ILRUN: variants seen among roughly 807,000 people sequenced by gnomAD.
ILRUN encodes the protein protein ILRUN.
In ILRUN, 3 loss-of-function variants were observed where a neutral mutation model predicts 33.8. The ratio of observed to expected loss-of-function variants is 0.09; its 90% CI spans 0.04 to 0.23. ILRUN has a LOEUF of 0.23. Ranked by LOEUF, ILRUN falls within the 10% of genes least tolerant of loss-of-function variation. ILRUN has a pLI of 1.00. For synonymous variants in ILRUN, 124 were observed against 138.9 expected, an observed-to-expected ratio of 0.89 and a Z score of 0.75; for missense variants, 210 against 375.1, an observed-to-expected ratio of 0.56 and a Z score of 3.64.
chr6:34,683,490 A>ATATATG lies in ILRUN; in HGVS notation c.158+12955_158+12956insCATATA, dbSNP rs1562033179. Among the ~76,000 whole-genome samples, 27 of 86,840 alleles carry ATATATG rather than the reference A, an allele frequency of 3.1e-4. 2 individuals are homozygous for ATATATG. Among genetic ancestry groups the ATATATG allele is most frequent in the Middle Eastern group, 0.012 (2 of 164 alleles). The allele number at this position is 86,840 out of a possible 152,430, so 57.0% of individuals were successfully genotyped here. A position where few individuals can be genotyped will look rare whatever the true frequency, so the allele number is the denominator to read the frequency against. ...TATATATACACATATATATATACAT[A>ATATATG]TATATATACATATATATATATATAC... On this transcript the variant is annotated intron_variant, in intron 1 of 4. Transcript: ENST00000374023.
At chr6:34,599,800 C>CA (rs1341414592) in intron 4 of ILRUN, among the ~76,000 whole-genome samples, 1 of 152,180 alleles carries the variant, frequency 6.6e-6, no homozygotes, top group African/African-American at 2.4e-5. Flanking sequence ...CCAACATATC[C>CA]AAAATGGAAC....
intron 1 of ILRUN, among the ~76,000 whole-genome samples, chr6:34,663,635 C>A (rs1331539648): frequency 6.6e-6 from 1 of 152,120 alleles, no homozygotes; most frequent in Non-Finnish European, 1.5e-5. Flanking sequence ...TGAGCCACCC[C>A]GTCCAGCTAA....
intron 3 of ILRUN, among the ~76,000 whole-genome samples, chr6:34,614,182 G>C (rs1474288875): frequency 1.3e-5 from 2 of 151,956 alleles, no homozygotes; most frequent in East Asian, 3.9e-4. Flanking sequence ...TTGCACCGTG[G>C]GAGGCCAAGG....
chr6:34,665,638 A>AGATAG (rs1412616093), intron 1 of ILRUN, among the ~76,000 whole-genome samples: 2 of 152,116 alleles, frequency 1.3e-5, no homozygotes, highest in Non-Finnish European at 2.9e-5. Flanking sequence ...TACATTTCAC[A>AGATAG]GGCTGGTTTC....
intron 1 of ILRUN, among the ~76,000 whole-genome samples, chr6:34,666,416 C>A (rs1763006598): frequency 6.6e-6 from 1 of 152,080 alleles, no homozygotes; most frequent in Non-Finnish European, 1.5e-5. Context: ...ACAAAATTAG[C>A]CAGGCGTGGT....
chr6:34,612,414 A>G (rs1383050205), intron 3 of ILRUN, among the ~76,000 whole-genome samples: 2 of 151,832 alleles, frequency 1.3e-5, no homozygotes, highest in African/African-American at 4.8e-5. Flanking sequence ...CCCTGTCTCA[A>G]AAAATAATAA....
chr6:34,690,278 T>C (rs1236335809), intron 1 of ILRUN, among the ~76,000 whole-genome samples: 3 of 151,974 alleles, frequency 2.0e-5, no homozygotes, highest in Non-Finnish European at 4.4e-5. Flanking sequence ...CTGGCCAACA[T>C]GGCAAAACCT....
chr6:34,590,011 T>G lies in ILRUN; in HGVS notation c.*554A>C, dbSNP rs1311865404. On this transcript the variant is annotated 3_prime_UTR_variant, in exon 5 of 5. Coordinates refer to ENST00000374023, the MANE Select transcript of ILRUN (RefSeq NM_024294.4). ...AAAAACAAATGGGGTCAGAGACTTCTGGAGTCATGTGGCAGGGCAGATGTA... is the reference window on the plus strand; with the variant it reads ...AAAAACAAATGGGGTCAGAGACTTCGGGAGTCATGTGGCAGGGCAGATGTA... The G allele has an allele frequency of 6.6e-6, 1 of 152,480 alleles. No homozygotes were observed. The highest frequency in any genetic ancestry group is 1.5e-5 in the Non-Finnish European group (1 of 68,228). 9.4% of individuals were successfully genotyped at this position (152,480 alleles called of 1,614,324 possible).
intron 4 of ILRUN, among the ~76,000 whole-genome samples, chr6:34,591,665 A>C (rs1205872570): frequency 3.3e-5 from 5 of 152,074 alleles, no homozygotes; most frequent in Non-Finnish European, 7.4e-5. Flanking sequence ...ACGCCTGGCT[A>C]ATTTTAGTAG....
chr6:34,609,236 C>G (rs888471749), intron 3 of ILRUN, among the ~76,000 whole-genome samples: 2 of 152,142 alleles, frequency 1.3e-5, no homozygotes, highest in Non-Finnish European at 2.9e-5. Flanking sequence ...TGCCTGTAAT[C>G]CCAACACTTT....
chr6:34,620,650 C>T (rs1448504598), intron 3 of ILRUN, among the ~76,000 whole-genome samples: 1 of 152,170 alleles, frequency 6.6e-6, no homozygotes, highest in East Asian at 1.9e-4. Flanking sequence ...AACACAGCTA[C>T]ACTCCAACTC....
intron 4 of ILRUN, chr6:34,595,980 A>C: frequency 1.1e-6 from 1 of 936,740 alleles, no homozygotes; most frequent in Middle Eastern, 5.6e-4. Context: ...TACAGGGTTT[A>C]GTACTAAGTC....
At chr6:34,640,689 A>G (rs1662365847) in intron 3 of ILRUN, among the ~76,000 whole-genome samples, 1 of 149,338 alleles carries the variant, frequency 6.7e-6, no homozygotes, top group Non-Finnish European at 1.5e-5. Context: ...CAGGCTGGTG[A>G]CAGAGCGAGA....
chr6:34,692,740 C>T (rs879444436), intron 1 of ILRUN, among the ~76,000 whole-genome samples: 4 of 152,072 alleles, frequency 2.6e-5, no homozygotes, highest in African/African-American at 4.8e-5. Context: ...CTAGGTCTGG[C>T]AACATAGTGC....
intron 1 of ILRUN, among the ~76,000 whole-genome samples, chr6:34,687,889 A>G (rs551020688): frequency 4.6e-5 from 7 of 152,120 alleles, no homozygotes; most frequent in Admixed American, 6.6e-5. Flanking sequence ...CCTCAAAAAC[A>G]GATTGACCAT....
At chr6:34,629,788 A>G (rs1000163018) in intron 3 of ILRUN, among the ~76,000 whole-genome samples, 1 of 152,104 alleles carries the variant, frequency 6.6e-6, no homozygotes, top group African/African-American at 2.4e-5. Flanking sequence ...TATTCCCATT[A>G]TGTGTGTATG....
intron 4 of ILRUN, among the ~76,000 whole-genome samples, chr6:34,605,836 G>A (rs1761618821): frequency 6.6e-6 from 1 of 152,146 alleles, no homozygotes; most frequent in Non-Finnish European, 1.5e-5. Flanking sequence ...TTATTATTCA[G>A]AGAAGAATAC....
At chr6:34,683,423 TATATACATATATATATACATA>T (rs1562032825) in intron 1 of ILRUN, among the ~76,000 whole-genome samples, 7 of 67,104 alleles carry the variant, frequency 1.0e-4, no homozygotes, top group African/African-American at 7.9e-4. Flanking sequence ...TATATACATA[TATATACATATATATATACATA>T]TATATATACA....
intron 3 of ILRUN, among the ~76,000 whole-genome samples, chr6:34,640,971 C>T (rs575689865): frequency 6.9e-6 from 1 of 144,126 alleles, no homozygotes; most frequent in African/African-American, 2.6e-5. Context: ...CCCAGCTACT[C>T]GGGAGCCTGA....
Sources: allele counts gnomAD v4.1 joint callset (sites outside exome capture counted in the v4.1 genomes callset), GRCh38; gene constraint gnomAD v4.1.1; transcripts MANE v1.5; gene names NCBI Gene and HGNC (gene_info 2026-07-23, HGNC 2026-07-21).